LRMDA: variants seen among roughly 807,000 people sequenced by gnomAD.
LRMDA encodes leucine-rich melanocyte differentiation-associated protein.
In LRMDA, 18 loss-of-function variants were observed where a neutral mutation model predicts 29.8. The observed-to-expected ratio is 0.60, with a 90% CI of 0.42 to 0.90. The LOEUF is 0.90. Ranked by LOEUF, LRMDA falls within the 40% of genes least tolerant of loss-of-function variation. The pLI, the probability that LRMDA is intolerant of heterozygous loss-of-function variation, is 0.00. For synonymous variants in LRMDA, 125 were observed against 109.4 expected, an observed-to-expected ratio of 1.14 and a Z score of -0.89; for missense variants, 273 against 273.9, an observed-to-expected ratio of 1.00 and a Z score of 0.02.
intron 5 of LRMDA, among the ~76,000 whole-genome samples, chr10:76,094,674 G>C (rs4745811): frequency 0.42 from 63,775 of 151,932 alleles, 13,856 homozygotes; most frequent in Non-Finnish European, 0.44. Context: ...TACGAGTAAG[G>C]CTTCAGAAAC....
chr10:76,060,748 A>G (rs547199684), intron 5 of LRMDA, among the ~76,000 whole-genome samples: 4 of 152,346 alleles, frequency 2.6e-5, no homozygotes, highest in South Asian at 2.1e-4. Flanking sequence ...TTTTGAAAGT[A>G]TCTGAGACTG....
intron 6 of LRMDA, among the ~76,000 whole-genome samples, chr10:76,337,979 G>C (rs1404949577): frequency 6.6e-6 from 1 of 151,416 alleles, no homozygotes; most frequent in Non-Finnish European, 1.5e-5. Context: ...ATGGCTTCCT[G>C]ATAGATTATT....
At chr10:76,123,342 CAAAAAA>C (rs3042573) in intron 5 of LRMDA, among the ~76,000 whole-genome samples, 7 of 144,088 alleles carry the variant, frequency 4.9e-5, no homozygotes, top group Non-Finnish European at 1.1e-4. Flanking sequence ...TTATTTCTAC[CAAAAAA>C]AAAAAAAAAA....
At chr10:76,235,688 A>G (rs1223269507) in intron 5 of LRMDA, among the ~76,000 whole-genome samples, 1 of 152,158 alleles carries the variant, frequency 6.6e-6, no homozygotes, top group Non-Finnish European at 1.5e-5. Flanking sequence ...CTATTGAGTT[A>G]CAGGAGTAGA....
rs371841893 is a variant in LRMDA at position 75,754,421 on chromosome 10, AT to A, written c.132-281581del. ...GTTGAAGACAGGCTGAGCAGTGGATATTTTTTCTCTTTTCATTTTCCCAGCA... is the reference window on the plus strand; with the variant it reads ...GTTGAAGACAGGCTGAGCAGTGGATATTTTTCTCTTTTCATTTTCCCAGCA... On this transcript the variant is annotated intron_variant, in intron 2 of 6. Coordinates refer to ENST00000611255, the MANE Select transcript of LRMDA (RefSeq NM_001305581.2). Among the ~76,000 whole-genome samples, 619 of 152,224 alleles carry A rather than the reference AT, an allele frequency of 4.1e-3. 4 individuals carry two copies. The highest frequency in any genetic ancestry group is 0.014 in the African/African-American group (586 of 41,538).
Position 76,416,008 on chromosome 10 carries a change from G to A in LRMDA, c.601+91523G>A, listed in dbSNP as rs183706834. The stretch of plus-strand genomic sequence containing the variant: ...AGGTCTGAGAGGGCTTTGTGAAGCC[G>A]CTATTCACTGCATCATGTTGTGGGA... On this transcript the variant is annotated intron_variant, in intron 6 of 6. Transcript: ENST00000611255. Among the ~76,000 whole-genome samples, 60 of 152,294 alleles carry A rather than the reference G, an allele frequency of 3.9e-4. 1 individual carries two copies. The East Asian group carries it at 9.5e-3, about 24-fold the overall frequency.
At chr10:76,232,199 A>G (rs190018366) in intron 5 of LRMDA, among the ~76,000 whole-genome samples, 1 of 152,364 alleles carries the variant, frequency 6.6e-6, no homozygotes, top group Non-Finnish European at 1.5e-5. Context: ...AGACACCAAG[A>G]TATTACAAAC....
At chr10:76,307,331 A>G (rs1409687690) in intron 5 of LRMDA, among the ~76,000 whole-genome samples, 1 of 152,140 alleles carries the variant, frequency 6.6e-6, no homozygotes, top group Non-Finnish European at 1.5e-5. Context: ...GTCAGGATTG[A>G]GCCACTGCAT....
chr10:75,507,838 C>A (rs998156042), intron 2 of LRMDA, among the ~76,000 whole-genome samples: 2 of 152,190 alleles, frequency 1.3e-5, no homozygotes, highest in Admixed American at 1.3e-4. Context: ...TCCTTAGGCA[C>A]AGAAGGTTCC....
intron 2 of LRMDA, among the ~76,000 whole-genome samples, chr10:75,791,340 C>G (rs558451630): frequency 7.9e-5 from 12 of 152,162 alleles, no homozygotes; most frequent in Non-Finnish European, 1.2e-4. Flanking sequence ...TAAATGTTGG[C>G]AATCCATAAA....
intron 5 of LRMDA, among the ~76,000 whole-genome samples, chr10:76,097,106 G>A (rs949860060): frequency 2.0e-5 from 3 of 152,014 alleles, no homozygotes; most frequent in Non-Finnish European, 4.4e-5. Flanking sequence ...CGCCTCCCAG[G>A]CTCAAACAAT....
chr10:75,465,609 A>G (rs1459795606), intron 2 of LRMDA, among the ~76,000 whole-genome samples: 1 of 152,194 alleles, frequency 6.6e-6, no homozygotes, highest in African/African-American at 2.4e-5. Flanking sequence ...AACACCCACT[A>G]AATTTAGGCG....
chr10:75,859,198 AT>A (rs1259728484), intron 2 of LRMDA, among the ~76,000 whole-genome samples: 1 of 152,132 alleles, frequency 6.6e-6, no homozygotes, highest in East Asian at 1.9e-4. Flanking sequence ...TTTTGTGCAT[AT>A]GTACAGGTGT....
At chr10:76,085,788 A>T (rs1778824781) in intron 5 of LRMDA, among the ~76,000 whole-genome samples, 1 of 152,176 alleles carries the variant, frequency 6.6e-6, no homozygotes, top group Non-Finnish European at 1.5e-5. Flanking sequence ...TAAGCTAAAC[A>T]TAGCCATCTT....
chr10:76,108,239 C>A (rs867729709), intron 5 of LRMDA, among the ~76,000 whole-genome samples: 2 of 152,080 alleles, frequency 1.3e-5, no homozygotes, highest in South Asian at 4.1e-4. Flanking sequence ...AATTGATCGG[C>A]GAACAAATCT....
chr10:75,544,109 TTG>T (rs901435557), intron 2 of LRMDA, among the ~76,000 whole-genome samples: 1 of 152,084 alleles, frequency 6.6e-6, no homozygotes, highest in Non-Finnish European at 1.5e-5. Flanking sequence ...GCACATGCGT[TTG>T]TGTGTGTGTT....
At chr10:76,006,799 T>A (rs1847670712) in intron 2 of LRMDA, among the ~76,000 whole-genome samples, 2 of 152,178 alleles carry the variant, frequency 1.3e-5, no homozygotes, top group Admixed American at 1.3e-4. Context: ...ACTAGGCTTC[T>A]TTTTAAAAAG....
At chr10:75,789,755 A>G (rs1843534198) in intron 2 of LRMDA, among the ~76,000 whole-genome samples, 1 of 152,172 alleles carries the variant, frequency 6.6e-6, no homozygotes, top group South Asian at 2.1e-4. Context: ...GCAAATATTG[A>G]TGTCCCCAAG....
At chr10:76,493,530 G>A (rs1030061111) in intron 6 of LRMDA, among the ~76,000 whole-genome samples, 1 of 151,960 alleles carries the variant, frequency 6.6e-6, no homozygotes, top group Non-Finnish European at 1.5e-5. Context: ...TTTGTAAAAC[G>A]GTATTCAATT....
Sources: allele counts gnomAD v4.1 joint callset (sites outside exome capture counted in the v4.1 genomes callset), GRCh38; gene constraint gnomAD v4.1.1; transcripts MANE v1.5; gene names NCBI Gene and HGNC (gene_info 2026-07-23, HGNC 2026-07-21).